DDX11: variants seen among roughly 807,000 people sequenced by gnomAD.
DDX11 encodes DEAD/H-box helicase 11, also known as ATP-dependent DNA helicase DDX11.
In DDX11, 72 loss-of-function variants were observed where a neutral mutation model predicts 125.2. That is an observed-to-expected ratio of 0.58 (90% CI 0.48 to 0.70). The LOEUF (loss-of-function observed/expected upper bound fraction) is 0.70. Among genes scored for constraint, DDX11 ranks in the 30% least tolerant of loss-of-function variants. The pLI is 0.00. For synonymous variants in DDX11, 347 were observed against 452.6 expected (o/e 0.77, Z 2.96); for missense variants, 883 against 1,165.0 (o/e 0.76, Z 3.52).
At position 31,102,408 on chromosome 12, in the gene DDX11, G is replaced by A. The variant is rs137923887; in HGVS notation, c.2272-19G>A. On this transcript the variant is annotated intron_variant, in intron 22 of 26. Coordinates refer to ENST00000542838, the MANE Select transcript of DDX11 (RefSeq NM_030653.4). ...CCAAGTTTTGGCTCAGCAACTCAGC[G>A]TCTGGGTTTCTCCTACAGGCCTGTG... 2.4e-3 allele frequency: 3,887 copies of A among 1,612,078 alleles called. 87 individuals are homozygous for A. In the African/African-American group the frequency reaches 0.046, roughly 19 times the overall value.
chr12:31,104,150 G>GCTGTGGCAGCTGTGGCATCCA lies in DDX11; in HGVS notation c.*323_*343dup, dbSNP rs1946881347. The GCTGTGGCAGCTGTGGCATCCA allele has an allele frequency of 6.9e-7, 1 of 1,446,554 alleles. No homozygotes were observed. The highest frequency in any genetic ancestry group is 1.4e-5 in the African/African-American group (1 of 69,880). The allele number at this position is 1,446,554 out of a possible 1,614,324, so 89.6% of individuals were successfully genotyped here. ...GCTTCCTTCCTGGTCTCCGCAGGAGGCTGTGGCAGCTGTGGCATCCACTGT... is the reference window on the plus strand; with the variant it reads ...GCTTCCTTCCTGGTCTCCGCAGGAGGCTGTGGCAGCTGTGGCATCCACTGTGGCAGCTGTGGCATCCACTGT... On this transcript the variant is annotated 3_prime_UTR_variant, in exon 27 of 27. Coordinates refer to ENST00000542838, the MANE Select transcript of DDX11 (RefSeq NM_030653.4).
At chr12:31,086,359 A>G in intron 5 of DDX11, 2 of 362,560 alleles carry the variant, frequency 5.5e-6, no homozygotes, top group South Asian at 4.1e-5. Flanking sequence ...CCCAGAGCTG[A>G]CCCAGTGTTT....
At position 31,083,887 on chromosome 12, in the gene DDX11, G is replaced by A. The variant is rs778107234; in HGVS notation, c.219G>A (p.Glu73=). The A allele has an allele frequency of 5.0e-6, 8 of 1,613,344 alleles. No homozygotes were observed. In the South Asian group the frequency reaches 7.7e-5, roughly 16 times the overall value. The part of the protein sequence containing the change: ...RDFEQKKREE[E]ARLLETGTGP... Reference sequence around the variant, plus strand: ...TTGAACAGAAGAAGCGTGAAGAAGAGGCACGACTCCTTGAAACTGGAACTG... The same window carrying A: ...TTGAACAGAAGAAGCGTGAAGAAGAAGCACGACTCCTTGAAACTGGAACTG... Residue 73 remains glutamate (E), a synonymous_variant, in exon 3 of 27, where the codon GAG becomes GAA. Transcript: ENST00000542838.
In DDX11 at chr12:31,078,513, G is replaced by T. The variant is rs1390080169; in HGVS notation, c.120G>T (p.Gly40=). Residue 40 remains glycine, a synonymous_variant, in exon 2 of 27, where the codon GGG becomes GGT. Coordinates refer to ENST00000542838, the MANE Select transcript of DDX11 (RefSeq NM_030653.4). The stretch of plus-strand genomic sequence containing the variant: ...GGGTTTTGGAGGCTGGCAAGATTGG[G>T]ATATTTGAGAGTCCAACTGGCACTG... ...LYRVLEAGKI[G]IFESPTGTGK... The T allele has an allele frequency of 6.8e-6, 11 of 1,611,692 alleles. 1 individual carries two copies. The Admixed American group carries it at 1.8e-4, about 27-fold the overall frequency.
At position 31,101,862 on chromosome 12, in the gene DDX11, C is replaced by T. The variant is rs745321120; in HGVS notation, c.2082C>T (p.Asn694=). The change falls in exon 21 of 27, where the codon AAC becomes AAT. Residue 694 remains asparagine (N), a synonymous_variant. Transcript: ENST00000542838. ...ACGAGGTGGGTCGCATTCTCTGTAACCTGTGCGGTGTGGTTCCTGGAGGGG... is the reference window on the plus strand; with the variant it reads ...ACGAGGTGGGTCGCATTCTCTGTAATCTGTGCGGTGTGGTTCCTGGAGGGG... The part of the protein sequence containing the change: ...MMDEVGRILC[N]LCGVVPGGVV... 3 of 1,613,970 alleles carry T rather than the reference C, an allele frequency of 1.9e-6. No individual in the cohort carries two copies. The highest frequency in any genetic ancestry group is 1.3e-5 in the African/African-American group (1 of 75,028).
rs148556766 is a variant in DDX11 at position 31,101,277 on chromosome 12, G to A, written c.2052+147G>A. The A allele has an allele frequency of 2.6e-4, 186 of 722,548 alleles. No homozygotes were observed. In the African/African-American group the frequency reaches 2.8e-3, roughly 11 times the overall value. The allele number at this position is 722,548 out of a possible 1,614,324, so 44.8% of individuals were successfully genotyped here. A position where few individuals can be genotyped will look rare whatever the true frequency, so the allele number is the denominator to read the frequency against. On this transcript the variant is annotated intron_variant, in intron 20 of 26. Coordinates refer to ENST00000542838, the MANE Select transcript of DDX11 (RefSeq NM_030653.4). ...CCGCTTAGAGCCACACAGAATGAGC[G>A]GCGTCGATCTAGATGCTTATGGAGG... is the stretch of plus-strand genomic sequence containing the variant.
chr12:31,077,421 A>G (rs902443629), intron 1 of DDX11, among the ~76,000 whole-genome samples: 2 of 152,082 alleles, frequency 1.3e-5, no homozygotes, highest in Non-Finnish European at 2.9e-5. Flanking sequence ...CTGTGAAGAG[A>G]GCTCTCCTGT....
intron 18 of DDX11, among the ~76,000 whole-genome samples, chr12:31,098,367 G>A (rs1265825519): frequency 6.6e-6 from 1 of 152,290 alleles, no homozygotes; most frequent in Non-Finnish European, 1.5e-5. Flanking sequence ...GTGCATAGCT[G>A]TTTTAAAAAC....
chr12:31,084,166 T>A, intron 3 of DDX11, 105 bp downstream of exon 3: 1 of 1,487,464 alleles, frequency 6.7e-7, no homozygotes, highest in South Asian at 1.1e-5. Context: ...CCCCTGCCGT[T>A]GCCGTGCCTC....
At chr12:31,099,084 C>A (rs77901987) in intron 18 of DDX11, among the ~76,000 whole-genome samples, 1 of 63,722 alleles carries the variant, frequency 1.6e-5, no homozygotes, top group Non-Finnish European at 2.6e-5. Flanking sequence ...TTCTTTCTTT[C>A]TTTTTTTTTT....
At position 31,097,516 on chromosome 12, in the gene DDX11, T is replaced by C. The variant is rs554244040; in HGVS notation, c.1763-369T>C. On this transcript the variant is annotated intron_variant, in intron 17 of 26. Coordinates refer to ENST00000542838, the MANE Select transcript of DDX11 (RefSeq NM_030653.4). ...TAACACAGTGAAACCCCGTCTCTAC[T>C]AAAAATACAAAAAATTAGCAGGGTG... 1.4e-4 allele frequency among the ~76,000 whole-genome samples: 21 copies of C among 148,822 alleles called. No individual in the cohort carries two copies. In the East Asian group the frequency reaches 3.7e-3, roughly 26 times the overall value.
chr12:31,103,682 G>A lies in DDX11; in HGVS notation c.2642G>A (p.Arg881His), dbSNP rs753125934. Residue 881 changes from arginine to histidine, a missense_variant, in exon 26 of 27, where the codon CGT becomes CAT. Arg to His is a conservative substitution (Grantham distance 29, BLOSUM62 0). Around this residue, in one of 5 missense-constraint regions of DDX11, gnomAD observed 285 missense variants for 346.0 expected, o/e 0.82. Transcript: ENST00000542838. The stretch of plus-strand genomic sequence containing the variant: ...AAGCTGCCGGCCTGGATCCGAGCCC[G>A]TGTGGAGGTCAAAGCTACCTTTGGC... Reference protein sequence around the residue: ...LAKLPAWIRARVEVKATFGPA... With the variant: ...LAKLPAWIRAHVEVKATFGPA... The A allele has an allele frequency of 2.9e-5, 47 of 1,613,856 alleles. No individual in the cohort carries two copies. Among genetic ancestry groups the A allele is most frequent in the East Asian group, 6.7e-5 (3 of 44,892 alleles).
At position 31,087,672 on chromosome 12, in the gene DDX11, C is replaced by T. The variant is rs531031131; in HGVS notation, c.639-266C>T. 8.8e-4 allele frequency: 486 copies of T among 551,636 alleles called. 9 individuals are homozygous for T. The highest frequency in any genetic ancestry group is 8.6e-3 in the South Asian group (467 of 54,544). The allele number at this position is 551,636 out of a possible 1,614,324, so 34.2% of individuals were successfully genotyped here. A position where few individuals can be genotyped will look rare whatever the true frequency, so the allele number is the denominator to read the frequency against. The stretch of plus-strand genomic sequence containing the variant: ...GAGAGGAGAGCAGCCTGCCATGAGT[C>T]CCGAGGCTTCCGACTCAAGACTTGG... On this transcript the variant is annotated intron_variant, in intron 5 of 26. Coordinates refer to ENST00000542838, the MANE Select transcript of DDX11 (RefSeq NM_030653.4).
At chr12:31,095,876 C>T (rs1390914919) in intron 14 of DDX11, among the ~76,000 whole-genome samples, 3 of 152,156 alleles carry the variant, frequency 2.0e-5, no homozygotes, top group Admixed American at 2.0e-4. Flanking sequence ...GGTTTAAAGG[C>T]TCCAAACTCC....
intron 10 of DDX11, among the ~76,000 whole-genome samples, 179 bp downstream of exon 10, chr12:31,092,050 C>T (rs35484555): frequency 0.085 from 12,980 of 152,324 alleles, 712 homozygotes; most frequent in Middle Eastern, 0.21. Context: ...CGGGGGACCC[C>T]GCTATGACAG....
rs1350373273 is a variant in DDX11 at position 31,085,038 on chromosome 12, G to A, written c.550G>A (p.Ala184Thr). Residue 184 changes from alanine (A) to threonine (T), a missense_variant, in exon 5 of 27, where the codon GCT becomes ACT. Ala to Thr is a moderately conservative substitution (Grantham distance 58, BLOSUM62 0). Transcript: ENST00000542838. ...GGAGATGCTAGAGACAGGCCCGGAG[G>A]CTGAGCGGCTGGAGCAGCTGGAGTC... ...SREMLETGPEAERLEQLESGE... is the reference protein window; with the variant it reads ...SREMLETGPETERLEQLESGE... 1.2e-6 allele frequency: 2 copies of A among 1,611,284 alleles called. No individual in the cohort carries two copies. The highest frequency in any genetic ancestry group is 4.5e-5 in the East Asian group (2 of 44,820).
At chr12:31,081,699 A>G (rs1941976192) in intron 2 of DDX11, among the ~76,000 whole-genome samples, 1 of 148,294 alleles carries the variant, frequency 6.7e-6, no homozygotes, top group African/African-American at 2.5e-5. Flanking sequence ...TTATCTTGGC[A>G]TAAATCATGT....
chr12:31,088,041 C>G (rs1235699318), intron 6 of DDX11, 58 bp downstream of exon 6: 1 of 1,601,174 alleles, frequency 6.2e-7, no homozygotes, highest in African/African-American at 1.3e-5. Flanking sequence ...GCTGTGCACC[C>G]CTGGGGAGGA....
Position 31,087,923 on chromosome 12 carries a change from C to G in DDX11, c.639-15C>G, listed in dbSNP as rs766777023. The G allele has an allele frequency of 2.0e-5, 32 of 1,608,114 alleles. No homozygotes were observed. The highest frequency in any genetic ancestry group is 1.6e-4 in the Middle Eastern group (1 of 6,066). ...CTGAGGGAAGACTGTTTTCTGTTCT[C>G]TCTCACACACACAGAGTGGATGAGG... is the stretch of plus-strand genomic sequence containing the variant. On this transcript the variant is annotated splice_polypyrimidine_tract_variant and intron_variant, in intron 5 of 26. Coordinates refer to ENST00000542838, the MANE Select transcript of DDX11 (RefSeq NM_030653.4).
Sources: allele counts gnomAD v4.1 joint callset (sites outside exome capture counted in the v4.1 genomes callset), GRCh38; gene constraint gnomAD v4.1.1; regional missense constraint gnomAD v4.1.1; transcripts MANE v1.5; gene names NCBI Gene and HGNC (gene_info 2026-07-23, HGNC 2026-07-21).